NKTR: variants seen among roughly 807,000 people sequenced by gnomAD.
The protein encoded by NKTR is NK-tumor recognition protein.
Under a neutral mutation model 156.3 loss-of-function variants are expected in NKTR, and 67 were observed. That is an observed-to-expected ratio of 0.43 (90% CI 0.35 to 0.53). The LOEUF (loss-of-function observed/expected upper bound fraction) is 0.53. NKTR is among the 20% of genes least tolerant of loss of function. The probability of loss-of-function intolerance (pLI) is 0.01; values close to 1 mark genes in which losing one functional copy is unlikely to be tolerated. For missense variants in NKTR, 1,604 were observed against 1,730.9 expected (o/e 0.93, Z 1.30); for synonymous variants, 640 against 596.6 (o/e 1.07, Z -1.06).
At chr3:42,643,202 A>G (rs555005719) in intron 14 of NKTR, 137 bp from the exon 15 acceptor site, 6 of 687,796 alleles carry the variant, frequency 8.7e-6, no homozygotes, top group Admixed American at 7.8e-5. Flanking sequence ...TATACTTTTG[A>G]TATGAAAACA....
At chr3:42,622,343 G>A (rs1455862482) in intron 6 of NKTR, among the ~76,000 whole-genome samples, 1 of 151,918 alleles carries the variant, frequency 6.6e-6, no homozygotes, top group Non-Finnish European at 1.5e-5. Flanking sequence ...CCAGCATGAG[G>A]GTTATTGCTT....
intron 2 of NKTR, among the ~76,000 whole-genome samples, 162 bp from the exon 3 acceptor site, chr3:42,617,408 C>G (rs1400559653): frequency 2.0e-5 from 3 of 152,170 alleles, no homozygotes; most frequent in Non-Finnish European, 4.4e-5. Context: ...TGTTCTTGTT[C>G]ATAGGTATCA....
chr3:42,608,112 C>T lies in NKTR; in HGVS notation c.58+7048C>T, dbSNP rs146458603. On this transcript the variant is annotated intron_variant, in intron 2 of 16. Transcript: ENST00000232978. ...TCAAGAGATTCTCGTGCCTCAGCCT[C>T]CCAAGTAGCTGCGATTACAGGTGCC... Among the ~76,000 whole-genome samples, 308 of 150,570 alleles carry T rather than the reference C, an allele frequency of 2.0e-3. 2 individuals carry two copies. Among genetic ancestry groups the T allele is most frequent in the African/African-American group, 7.2e-3 (297 of 40,970 alleles).
At chr3:42,631,924 G>C (rs1326997905) in intron 8 of NKTR, among the ~76,000 whole-genome samples, 2 of 152,086 alleles carry the variant, frequency 1.3e-5, no homozygotes, top group African/African-American at 4.8e-5. Flanking sequence ...CCTTTGTTAA[G>C]ATATCTGCAT....
chr3:42,615,091 T>C (rs1707221304), intron 2 of NKTR, among the ~76,000 whole-genome samples: 1 of 151,876 alleles, frequency 6.6e-6, no homozygotes, highest in Non-Finnish European at 1.5e-5. Flanking sequence ...TCTTTTTTTT[T>C]TTTTTAAGAT....
intron 2 of NKTR, among the ~76,000 whole-genome samples, chr3:42,611,865 A>G (rs571994316): frequency 2.8e-4 from 43 of 152,096 alleles, no homozygotes; most frequent in African/African-American, 1.0e-3. Context: ...GTTGGTTTTT[A>G]TTGATTCTCC....
chr3:42,630,102 TG>T, intron 6 of NKTR: 3 of 987,940 alleles, frequency 3.0e-6, no homozygotes, highest in Non-Finnish European at 3.6e-6. Context: ...AACATTTAAG[TG>T]TTTGGGGCAA....
At chr3:42,631,470 T>C (rs1231376849) in intron 8 of NKTR, among the ~76,000 whole-genome samples, 154 bp downstream of exon 8, 2 of 152,212 alleles carry the variant, frequency 1.3e-5, no homozygotes, top group Non-Finnish European at 2.9e-5. Flanking sequence ...GCATATCTTG[T>C]CAGATCTTAC....
Position 42,647,699 on chromosome 3 carries a change from A to G in NKTR, c.*1724A>G, listed in dbSNP as rs552047023. On this transcript the variant is annotated 3_prime_UTR_variant, in exon 17 of 17. Transcript: ENST00000232978. ...AAAGGTTTCCAAAGGTTGCCTGCAA[A>G]GGAGAATATTACTACTAGTCAGCAG... 110 of 152,318 alleles carry G rather than the reference A, an allele frequency of 7.2e-4. No homozygotes were observed. Among genetic ancestry groups the G allele is most frequent in the African/African-American group, 2.6e-3 (108 of 41,566 alleles). The allele number at this position is 152,318 out of a possible 1,614,324, so 9.4% of individuals were successfully genotyped here.
intron 12 of NKTR, among the ~76,000 whole-genome samples, chr3:42,635,986 A>G (rs1296936905): frequency 1.3e-5 from 2 of 152,158 alleles, no homozygotes; most frequent in Non-Finnish European, 2.9e-5. Context: ...TGATGAGTTC[A>G]TTGGTAAATA....
intron 6 of NKTR, chr3:42,628,927 G>A (rs991472442): frequency 4.1e-5 from 11 of 268,506 alleles, no homozygotes; most frequent in Non-Finnish European, 6.3e-5. Context: ...ACTTGAATCC[G>A]GGAGGCAGAG....
Position 42,644,014 on chromosome 3 carries a change from C to G in NKTR, c.4301+11C>G, listed in dbSNP as rs1559597346. 6.2e-7 allele frequency: 1 copy of G among 1,602,024 alleles called. No individual in the cohort carries two copies. The highest frequency in any genetic ancestry group is 8.5e-7 in the Non-Finnish European group (1 of 1,169,950). On this transcript the variant is annotated intron_variant, in intron 16 of 16. Transcript: ENST00000232978. Reference sequence around the variant, plus strand: ...TAATCGGCGGTCCAGGTGGGTCTCTCTCCTTTATCGTCCTTTATCGCACTG... The same window carrying G: ...TAATCGGCGGTCCAGGTGGGTCTCTGTCCTTTATCGTCCTTTATCGCACTG...
intron 2 of NKTR, chr3:42,602,029 G>A (rs1705544588): frequency 6.6e-6 from 1 of 152,190 alleles, no homozygotes. Flanking sequence ...GATTTAAGCA[G>A]GTATCAGAAG....
In NKTR at chr3:42,628,737, C is replaced by T. The variant is rs339734; in HGVS notation, c.375-1809C>T. 1.7e-3 allele frequency: 1,672 copies of T among 965,920 alleles called. 26 individuals carry two copies. The African/African-American group carries it at 0.028, about 16-fold the overall frequency. 59.8% of individuals were successfully genotyped at this position (965,920 alleles called of 1,614,324 possible). On this transcript the variant is annotated intron_variant, in intron 6 of 16. Coordinates refer to ENST00000232978, the MANE Select transcript of NKTR (RefSeq NM_005385.4). The stretch of plus-strand genomic sequence containing the variant: ...GCCCTTTTGGCTGGGTGTGGTGGCT[C>T]ATGCCTATAATCCCAGCACTTTGAG...
At position 42,638,940 on chromosome 3, in the gene NKTR, T is replaced by G. The variant is rs1709653193; in HGVS notation, c.3236T>G (p.Leu1079Arg). The G allele has an allele frequency of 6.2e-7, 1 of 1,613,328 alleles. No homozygotes were observed. Among genetic ancestry groups the G allele is most frequent in the East Asian group, 2.2e-5 (1 of 44,878 alleles). The part of the protein sequence containing the change: ...KHDTVTVSSD[L>R]DQFTKDDSKL... ...GATACAGTGACTGTTTCATCAGATC[T>G]TGATCAGTTTACTAAAGATGATAGT... The change falls in exon 13 of 17, where the codon CTT becomes CGT. Residue 1079 changes from leucine (L) to arginine (R), a missense_variant. Around this residue, in one of 6 missense-constraint regions of NKTR, gnomAD observed 1,255 missense variants for 1,243.7 expected, o/e 1.01. Transcript: ENST00000232978.
chr3:42,619,376 A>C (rs1418762313), intron 4 of NKTR: 1 of 1,184,804 alleles, frequency 8.4e-7, no homozygotes, highest in Non-Finnish European at 1.1e-6. Context: ...ATTCCTTTAC[A>C]ATGAATGCCA....
chr3:42,627,653 G>T, intron 6 of NKTR: 1 of 984,474 alleles, frequency 1.0e-6, no homozygotes, highest in Non-Finnish European at 1.2e-6. Flanking sequence ...TAGATTCAGG[G>T]GTCGGGAAAA....
chr3:42,604,211 G>T (rs1485859464), intron 2 of NKTR, among the ~76,000 whole-genome samples: 1 of 152,066 alleles, frequency 6.6e-6, no homozygotes, highest in East Asian at 1.9e-4. Context: ...CTGACGAGAG[G>T]TTTATTCATT....
At position 42,637,001 on chromosome 3, in the gene NKTR, GAAA is replaced by G. The variant is rs867098093; in HGVS notation, c.1302_1304del (p.Lys435del). On this transcript the variant is annotated inframe_deletion, in exon 13 of 17. Coordinates refer to ENST00000232978, the MANE Select transcript of NKTR (RefSeq NM_005385.4). ...TGGCCACCATAAAAAACGCAGAAAA[GAAA>G]AAAAGGTTAAGCATAAAAAGAAAGG... is the stretch of plus-strand genomic sequence containing the variant. The G allele has an allele frequency of 3.7e-6, 6 of 1,611,446 alleles. No individual in the cohort carries two copies. Among genetic ancestry groups the G allele is most frequent in the Non-Finnish European group, 5.1e-6 (6 of 1,179,368 alleles).
Sources: gnomAD v4.1 joint callset for allele counts (sites outside exome capture counted in the v4.1 genomes callset) on GRCh38, gnomAD v4.1.1 for gene constraint, gnomAD v4.1.1 regional missense constraint, MANE v1.5 for transcripts, NCBI Gene and HGNC (gene_info 2026-07-23, HGNC 2026-07-21) for gene names.